Variants in SLC30A7 observed in about 807,000 individuals in gnomAD.
SLC30A7 encodes zinc transporter 7.
Under a neutral mutation model 46.0 loss-of-function variants are expected in SLC30A7, and 35 were observed. That is an observed-to-expected ratio of 0.76 (90% CI 0.58 to 1.01). SLC30A7 has a LOEUF of 1.01. Among genes scored for constraint, SLC30A7 ranks in the 50% least tolerant of loss-of-function variants. The probability of loss-of-function intolerance (pLI) is 0.00; values close to 1 mark genes in which losing one functional copy is unlikely to be tolerated. For synonymous variants in SLC30A7, 147 were observed against 157.8 expected, an observed-to-expected ratio of 0.93 and a Z score of 0.51; for missense variants, 464 against 451.1, an observed-to-expected ratio of 1.03 and a Z score of -0.26.
At chr1:100,992,075 G>A in the SLC30A7 span, among the ~76,000 whole-genome samples, 6 of 150,894 alleles carry the variant, frequency 4.0e-5, no homozygotes, top group Admixed American at 6.6e-5. Flanking sequence ...TCCAGCCTGC[G>A]TGACAAAGTG....
intron 2 of SLC30A7, among the ~76,000 whole-genome samples, chr1:100,901,453 G>A (rs1196104875): frequency 1.4e-4 from 21 of 152,048 alleles, no homozygotes; most frequent in Admixed American, 1.3e-3. Context: ...ACACGTAGAA[G>A]TTTTCTTTTT....
At chr1:100,945,568 T>C (rs1306795207) in intron 8 of SLC30A7, among the ~76,000 whole-genome samples, 1 of 152,140 alleles carries the variant, frequency 6.6e-6, no homozygotes, top group Non-Finnish European at 1.5e-5. Context: ...TCTTGTTTTT[T>C]TCAGGTTTGT....
intron 8 of SLC30A7, among the ~76,000 whole-genome samples, chr1:100,947,162 T>C (rs1000970214): frequency 5.3e-5 from 8 of 152,238 alleles, no homozygotes; most frequent in Non-Finnish European, 1.0e-4. Flanking sequence ...GTATTGATTT[T>C]AGATCTTTCC....
chr1:100,900,132 G>A (rs1651214687), intron 2 of SLC30A7, among the ~76,000 whole-genome samples: 1 of 152,130 alleles, frequency 6.6e-6, no homozygotes, highest in Non-Finnish European at 1.5e-5. Context: ...CAAGTTTGAT[G>A]TCCAAAAAAC....
rs1570496110 is a variant in SLC30A7 at position 100,899,785 on chromosome 1, G to T, written c.182+3114G>T. Among the ~76,000 whole-genome samples, 6 of 151,362 alleles carry T rather than the reference G, an allele frequency of 4.0e-5. 3 individuals are homozygous for T. The highest frequency in any genetic ancestry group is 3.9e-4 in the Admixed American group (6 of 15,196). On this transcript the variant is annotated intron_variant, in intron 2 of 10. Transcript: ENST00000357650. ...AGTCATCCCTGGCAGCATAATGTCTGGAATGCAGATAAAAAGAGGTAAAAG... is the reference window on the plus strand; with the variant it reads ...AGTCATCCCTGGCAGCATAATGTCTTGAATGCAGATAAAAAGAGGTAAAAG...
intron 8 of SLC30A7, among the ~76,000 whole-genome samples, chr1:100,932,038 A>T (rs1653691121): frequency 6.6e-6 from 1 of 152,226 alleles, no homozygotes; most frequent in Non-Finnish European, 1.5e-5. Context: ...ATTGGAGTAT[A>T]AAAGCTAAAA....
Position 100,902,647 on chromosome 1 carries a change from T to G in SLC30A7, c.183-4205T>G, listed in dbSNP as rs146583426. On this transcript the variant is annotated intron_variant, in intron 2 of 10. Coordinates refer to ENST00000357650, the MANE Select transcript of SLC30A7 (RefSeq NM_133496.5). Reference sequence around the variant, plus strand: ...GGAAGAATCTGTTCCATGATCTTTCTGTAGCTTCAGTTGGTTTTCTAGTAA... The same window carrying G: ...GGAAGAATCTGTTCCATGATCTTTCGGTAGCTTCAGTTGGTTTTCTAGTAA... 8.6e-3 allele frequency among the ~76,000 whole-genome samples: 1,305 copies of G among 152,324 alleles called. 9 individuals are homozygous for G. Among genetic ancestry groups the G allele is most frequent in the Middle Eastern group, 0.014 (4 of 294 alleles).
intron 8 of SLC30A7, among the ~76,000 whole-genome samples, 165 bp from the exon 9 acceptor site, chr1:100,961,663 C>T (rs975060845): frequency 2.6e-5 from 4 of 152,190 alleles, no homozygotes; most frequent in African/African-American, 9.7e-5. Flanking sequence ...AGATAATTTA[C>T]TGATCACGTG....
At chr1:100,917,702 C>T (rs907266652) in intron 6 of SLC30A7, among the ~76,000 whole-genome samples, 3 of 152,148 alleles carry the variant, frequency 2.0e-5, no homozygotes, top group African/African-American at 7.2e-5. Flanking sequence ...TCTTTCTATC[C>T]TGGCTTCATT....
Position 100,896,107 on chromosome 1 carries a change from C to T in SLC30A7, c.-156C>T, listed in dbSNP as rs953933541. On this transcript the variant is annotated 5_prime_UTR_variant, in exon 1 of 11. Transcript: ENST00000357650. ...CCCGGGCCGGAAGTAAGCGAATTCC[C>T]GGGTGTGTGTCTGTGTCTGTCTGTG... The T allele has an allele frequency of 1.5e-6, 1 of 662,452 alleles. No individual in the cohort carries two copies. The highest frequency in any genetic ancestry group is 1.8e-5 in the South Asian group (1 of 56,862). The allele number at this position is 662,452 out of a possible 1,614,324, so 41.0% of individuals were successfully genotyped here.
intron 7 of SLC30A7, among the ~76,000 whole-genome samples, chr1:100,919,724 T>A (rs969066084): frequency 4.6e-5 from 7 of 152,120 alleles, no homozygotes; most frequent in African/African-American, 1.4e-4. Flanking sequence ...TGAAAATAAA[T>A]TTATATTTTC....
intron 2 of SLC30A7, among the ~76,000 whole-genome samples, chr1:100,900,861 T>C (rs930683951): frequency 6.6e-6 from 1 of 152,222 alleles, no homozygotes; most frequent in African/African-American, 2.4e-5. Flanking sequence ...AATATAAATA[T>C]ACCGTTAGCT....
chr1:100,992,237 T>C, the SLC30A7 span, among the ~76,000 whole-genome samples: 2 of 152,122 alleles, frequency 1.3e-5, no homozygotes, highest in Non-Finnish European at 2.9e-5. Flanking sequence ...ATTCCTAGTC[T>C]CAATATTAAG....
chr1:100,932,834 C>A (rs1256840806), intron 8 of SLC30A7, among the ~76,000 whole-genome samples: 1 of 152,022 alleles, frequency 6.6e-6, no homozygotes, highest in Non-Finnish European at 1.5e-5. Flanking sequence ...TCAAGGGCCC[C>A]CTCTTCTAAA....
intron 2 of SLC30A7, among the ~76,000 whole-genome samples, chr1:100,904,328 C>T (rs567556201): frequency 6.6e-6 from 1 of 152,278 alleles, no homozygotes; most frequent in African/African-American, 2.4e-5. Context: ...TTCTTTATCG[C>T]TGATAACTTG....
rs970784940 is a variant in SLC30A7, at chr1:100,976,368, A to C, written c.*1511A>C. The C allele has an allele frequency of 1.3e-5, 2 of 152,228 alleles. No homozygotes were observed. The highest frequency in any genetic ancestry group is 4.8e-5 in the African/African-American group (2 of 41,472). 9.4% of individuals were successfully genotyped at this position (152,228 alleles called of 1,614,324 possible). A position where few individuals can be genotyped will look rare whatever the true frequency, so the allele number is the denominator to read the frequency against. On this transcript the variant is annotated 3_prime_UTR_variant, in exon 11 of 11. Coordinates refer to ENST00000357650, the MANE Select transcript of SLC30A7 (RefSeq NM_133496.5). ...TAAAGCAGCATTTTATTGAGTTTGA[A>C]TTATTAAAGGTACAGAGGAAATGTG...
chr1:100,928,000 G>A (rs1474308966), intron 8 of SLC30A7, among the ~76,000 whole-genome samples: 1 of 152,132 alleles, frequency 6.6e-6, no homozygotes, highest in Non-Finnish European at 1.5e-5. Context: ...GATTATAGGG[G>A]CAGAAGATAA....
intron 8 of SLC30A7, among the ~76,000 whole-genome samples, chr1:100,955,498 A>G (rs1035100790): frequency 1.3e-5 from 2 of 152,070 alleles, no homozygotes; most frequent in African/African-American, 4.8e-5. Flanking sequence ...TGATAGGGAA[A>G]TGGTGCTTCA....
chr1:100,942,317 A>C (rs941548628), intron 8 of SLC30A7, among the ~76,000 whole-genome samples: 1 of 152,238 alleles, frequency 6.6e-6, no homozygotes. Context: ...ACTTTTGGGA[A>C]TATATCCCAA....
Sources: gnomAD v4.1 joint callset for allele counts (sites outside exome capture counted in the v4.1 genomes callset) on GRCh38, gnomAD v4.1.1 for gene constraint, MANE v1.5 for transcripts, NCBI Gene and HGNC (gene_info 2026-07-23, HGNC 2026-07-21) for gene names.